The following MYRFL variants were observed in gnomAD, a reference collection of about 807,000 sequenced individuals.
The protein encoded by MYRFL is myelin regulatory factor-like protein.
Under a neutral mutation model 109.4 loss-of-function variants are expected in MYRFL, and 88 were observed. The observed-to-expected ratio is 0.80, with a 90% CI of 0.68 to 0.96. The LOEUF (loss-of-function observed/expected upper bound fraction) is 0.96. Ranked by LOEUF, MYRFL falls within the 40% of genes least tolerant of loss-of-function variation. MYRFL has a pLI of 0.00. For missense variants in MYRFL, 957 were observed against 954.9 expected (o/e 1.00, Z -0.03); for synonymous variants, 324 against 320.9 (o/e 1.01, Z -0.10).
chr12:69,943,319 T>A (rs1224293779), intron 19 of MYRFL, among the ~76,000 whole-genome samples: 2 of 149,372 alleles, frequency 1.3e-5, no homozygotes, highest in Non-Finnish European at 3.0e-5. Context: ...AGCATGGTAC[T>A]GGTACCAAAA....
intron 11 of MYRFL, chr12:69,904,540 T>C (rs1954294086): frequency 6.6e-6 from 1 of 152,326 alleles, no homozygotes; most frequent in South Asian, 2.1e-4. Flanking sequence ...TCTTCAGCTA[T>C]AAGATGAAAA....
chr12:69,948,006 A>G (rs1358403739), intron 19 of MYRFL, among the ~76,000 whole-genome samples: 4 of 152,194 alleles, frequency 2.6e-5, no homozygotes, highest in Admixed American at 6.5e-5. Flanking sequence ...TCATCTACCA[A>G]TTGTGAAATA....
At chr12:69,844,513 C>T (rs980966068) in intron 1 of MYRFL, among the ~76,000 whole-genome samples, 1 of 152,184 alleles carries the variant, frequency 6.6e-6, no homozygotes, top group Admixed American at 6.5e-5. Context: ...TCGGCTTGCC[C>T]TAAGCCCAGT....
chr12:69,874,006 A>G (rs1389407872), intron 2 of MYRFL, among the ~76,000 whole-genome samples: 3 of 152,156 alleles, frequency 2.0e-5, no homozygotes, highest in Non-Finnish European at 4.4e-5. Flanking sequence ...TAATGAGTTA[A>G]TATTGTACCA....
At chr12:69,830,407 C>A (rs1274062029) in intron 1 of MYRFL, among the ~76,000 whole-genome samples, 3 of 149,710 alleles carry the variant, frequency 2.0e-5, no homozygotes, top group East Asian at 3.9e-4. Context: ...TTGGAGGTTT[C>A]TATGGATATA....
intron 1 of MYRFL, among the ~76,000 whole-genome samples, chr12:69,838,767 C>G (rs1883088566): frequency 6.6e-6 from 1 of 152,102 alleles, no homozygotes; most frequent in African/African-American, 2.4e-5. Flanking sequence ...TCCAGAAAGG[C>G]CAGAGGATCA....
At chr12:69,881,204 G>A (rs986048815) in intron 5 of MYRFL, among the ~76,000 whole-genome samples, 36 of 152,106 alleles carry the variant, frequency 2.4e-4, no homozygotes, top group African/African-American at 8.2e-4. Context: ...TCCTGGCTTC[G>A]AGTGATTCTC....
intron 22 of MYRFL, among the ~76,000 whole-genome samples, chr12:69,956,918 C>G (rs1183688271): frequency 1.3e-5 from 2 of 152,188 alleles, no homozygotes. Context: ...TCATCTCTAG[C>G]TTTTAGTGGA....
chr12:69,891,637 T>TTTTCTTTTTCTTTCTTTC (rs1886865615), intron 7 of MYRFL, among the ~76,000 whole-genome samples: 3 of 53,788 alleles, frequency 5.6e-5, no homozygotes, highest in African/African-American at 1.7e-4. Flanking sequence ...CTTCCTTTCT[T>TTTTCTTTTTCTTTCTTTC]TTTCTTTCTT....
intron 2 of MYRFL, among the ~76,000 whole-genome samples, chr12:69,868,925 C>T (rs1885176312): frequency 6.6e-6 from 1 of 151,960 alleles, no homozygotes; most frequent in Non-Finnish European, 1.5e-5. Flanking sequence ...CACATGTACT[C>T]ACACGTACAC....
chr12:69,897,200 A>G lies in MYRFL; in HGVS notation c.1136A>G (p.Gln379Arg). Residue 379 changes from glutamine (Q) to arginine (R), a missense_variant, in exon 10 of 25, where the codon CAG (glutamine) becomes CGG (arginine). Gln to Arg is a conservative substitution (Grantham distance 43). Transcript: ENST00000552032. ...GGACTGTATGCTGCTAACCAAGACC[A>G]GTTCTATCTGTTGTCTGCCCACATC... ...VVGLYAANQD[Q>R]FYLLSAHISE... The G allele has an allele frequency of 6.5e-7, 1 of 1,535,858 alleles. No homozygotes were observed. Among genetic ancestry groups the G allele is most frequent in the South Asian group, 1.2e-5 (1 of 84,060 alleles).
rs368912921 is a variant in MYRFL, at chr12:69,936,041, G to A, written c.1917-72G>A. ...AGAGTACATCTCTGGCCAGCTGGAT[G>A]TGTGAGATATATCTGGAAACAAATC... is the stretch of plus-strand genomic sequence containing the variant. On this transcript the variant is annotated intron_variant, in intron 16 of 24. Transcript: ENST00000552032. 2.8e-3 allele frequency: 4,118 copies of A among 1,451,802 alleles called. 12 individuals carry two copies. Among genetic ancestry groups the A allele is most frequent in the South Asian group, 3.7e-3 (277 of 74,132 alleles). The allele number at this position is 1,451,802 out of a possible 1,614,324, so 89.9% of individuals were successfully genotyped here. A position where few individuals can be genotyped will look rare whatever the true frequency, so the allele number is the denominator to read the frequency against.
chr12:69,897,360 T>C (rs1051498674), intron 10 of MYRFL, 114 bp downstream of exon 10: 16 of 791,178 alleles, frequency 2.0e-5, no homozygotes, highest in Admixed American at 4.3e-5. Flanking sequence ...ATGATAGTAA[T>C]GGCAGAAACT....
intron 19 of MYRFL, among the ~76,000 whole-genome samples, chr12:69,943,777 C>T (rs1267007802): frequency 2.0e-5 from 3 of 148,946 alleles, no homozygotes; most frequent in African/African-American, 7.4e-5. Context: ...TTTTTGCAAC[C>T]TACTCATCTG....
intron 10 of MYRFL, among the ~76,000 whole-genome samples, chr12:69,898,778 T>C (rs1009040775): frequency 6.6e-6 from 1 of 152,204 alleles, no homozygotes; most frequent in African/African-American, 2.4e-5. Flanking sequence ...ATTTACCTAG[T>C]GACAAGGTTT....
intron 2 of MYRFL, among the ~76,000 whole-genome samples, chr12:69,868,468 A>G (rs1337723070): frequency 6.6e-6 from 1 of 151,976 alleles, no homozygotes. Flanking sequence ...TTTTCATATG[A>G]GAGTTGTGGA....
At chr12:69,952,477 T>C (rs1251756577) in intron 20 of MYRFL, among the ~76,000 whole-genome samples, 3 of 152,258 alleles carry the variant, frequency 2.0e-5, no homozygotes, top group Admixed American at 6.5e-5. Context: ...CTGAAACAGA[T>C]TGCATTTCAT....
At chr12:69,844,174 TG>T (rs1316914583) in intron 1 of MYRFL, among the ~76,000 whole-genome samples, 1 of 152,208 alleles carries the variant, frequency 6.6e-6, no homozygotes, top group Non-Finnish European at 1.5e-5. Flanking sequence ...GATAGGATTT[TG>T]GAGTCCAAGA....
chr12:69,916,621 A>G (rs997051879), intron 13 of MYRFL, among the ~76,000 whole-genome samples: 2 of 152,106 alleles, frequency 1.3e-5, no homozygotes, highest in African/African-American at 2.4e-5. Flanking sequence ...TTAAAAACAA[A>G]GCAAAACGAA....
Sources: gnomAD v4.1 joint callset for allele counts (sites outside exome capture counted in the v4.1 genomes callset) on GRCh38, gnomAD v4.1.1 for gene constraint, MANE v1.5 for transcripts, NCBI Gene and HGNC (gene_info 2026-07-23, HGNC 2026-07-21) for gene names.